NTRK3: variants seen among roughly 807,000 people sequenced by gnomAD.
The protein encoded by NTRK3 is NT-3 growth factor receptor.
Under a neutral mutation model 91.7 loss-of-function variants are expected in NTRK3, and 24 were observed. The ratio of observed to expected loss-of-function variants is 0.26; its 90% CI spans 0.19 to 0.37. NTRK3 has a LOEUF of 0.37. Among genes scored for constraint, NTRK3 ranks in the 10% least tolerant of loss-of-function variants. NTRK3 has a pLI of 1.00. For missense variants in NTRK3, 880 were observed against 1,068.9 expected, an observed-to-expected ratio of 0.82 and a Z score of 2.46; for synonymous variants, 483 against 404.0, an observed-to-expected ratio of 1.20 and a Z score of -2.34.
intron 3 of NTRK3, among the ~76,000 whole-genome samples, chr15:88,252,196 G>C (rs1016452452): frequency 6.6e-6 from 1 of 152,116 alleles, no homozygotes; most frequent in African/African-American, 2.4e-5. Context: ...CTGGGGTTCT[G>C]AGCACCAAAC....
chr15:88,102,826 G>A (rs149293058), intron 13 of NTRK3, among the ~76,000 whole-genome samples: 5 of 152,170 alleles, frequency 3.3e-5, no homozygotes, highest in South Asian at 2.1e-4. Flanking sequence ...TCCAGAATCC[G>A]ACCACCCTTC....
rs142231167 is a variant in NTRK3 at position 87,890,963 on chromosome 15, A to G, written c.2134-10535T>C. On this transcript the variant is annotated intron_variant, in intron 17 of 18. Transcript: ENST00000394480. ...AAAATTTCTTAAGAGAAAAAATATCATGACTTCTTATTGATTTTTCTCATA... is the reference window on the plus strand; with the variant it reads ...AAAATTTCTTAAGAGAAAAAATATCGTGACTTCTTATTGATTTTTCTCATA... Among the ~76,000 whole-genome samples the G allele has an allele frequency of 8.5e-5, 13 of 152,294 alleles. No individual in the cohort carries two copies. The East Asian group carries it at 2.5e-3, about 29-fold the overall frequency.
intron 13 of NTRK3, among the ~76,000 whole-genome samples, chr15:88,052,899 A>C (rs1282759012): frequency 6.6e-6 from 1 of 152,174 alleles, no homozygotes; most frequent in Non-Finnish European, 1.5e-5. Flanking sequence ...CCAAGGGGTT[A>C]TCTATCAGCT....
intron 5 of NTRK3, among the ~76,000 whole-genome samples, chr15:88,173,992 G>T (rs977074187): frequency 1.3e-5 from 2 of 152,246 alleles, no homozygotes; most frequent in African/African-American, 2.4e-5. Context: ...GTGCATAGAG[G>T]AATGCTTGGT....
chr15:88,085,993 G>A (rs1398095317), intron 13 of NTRK3, among the ~76,000 whole-genome samples: 5 of 152,214 alleles, frequency 3.3e-5, no homozygotes, highest in African/African-American at 4.8e-5. Context: ...CTAGGGCATC[G>A]AGGCATCACA....
At chr15:87,878,492 T>C (rs1282188149) in intron 18 of NTRK3, among the ~76,000 whole-genome samples, 3 of 152,150 alleles carry the variant, frequency 2.0e-5, no homozygotes, top group African/African-American at 7.2e-5. Context: ...TATTCCCCAT[T>C]CATATTAGAG....
chr15:87,921,556 A>G (rs947085318), intron 17 of NTRK3, among the ~76,000 whole-genome samples: 1 of 152,236 alleles, frequency 6.6e-6, no homozygotes, highest in South Asian at 2.1e-4. Context: ...GCCTATGTGG[A>G]CATGAATAGA....
intron 13 of NTRK3, among the ~76,000 whole-genome samples, chr15:88,086,699 C>T (rs547469545): frequency 1.4e-4 from 21 of 152,310 alleles, no homozygotes; most frequent in Non-Finnish European, 2.8e-4. Context: ...TGTCTAGCGA[C>T]GGGCCCCATG....
chr15:88,124,590 A>G (rs1474061832), intron 13 of NTRK3, among the ~76,000 whole-genome samples: 2 of 152,188 alleles, frequency 1.3e-5, no homozygotes, highest in Non-Finnish European at 2.9e-5. Context: ...AGCTCCCTGC[A>G]TGGTAGGAAA....
rs962094766 is a variant in NTRK3 at position 88,235,187 on chromosome 15, C to T, written c.248+20719G>A. On this transcript the variant is annotated intron_variant, in intron 3 of 18. Coordinates refer to ENST00000394480, the Ensembl canonical transcript of NTRK3. This position sits in a 1 kb window ranked among gnomAD's most constrained non-coding sequence, Gnocchi z 5.2. ...ACTGATTTCTTTGCTTGCATATCAA[C>T]GGATGGCCTCTATCCACTGAATTGT... 4.6e-5 allele frequency among the ~76,000 whole-genome samples: 7 copies of T among 152,182 alleles called. No individual in the cohort carries two copies. The highest frequency in any genetic ancestry group is 2.1e-4 in the South Asian group (1 of 4,830).
intron 14 of NTRK3, among the ~76,000 whole-genome samples, chr15:88,003,604 C>T (rs562167686): frequency 1.1e-4 from 17 of 152,244 alleles, no homozygotes; most frequent in African/African-American, 3.9e-4. Context: ...AGGTAGGATG[C>T]CTCCAACAAT....
At chr15:88,100,697 C>A (rs1460537346) in intron 13 of NTRK3, among the ~76,000 whole-genome samples, 1 of 152,156 alleles carries the variant, frequency 6.6e-6, no homozygotes, top group East Asian at 1.9e-4. Context: ...TCTGTCCCAT[C>A]AAATTATAAA....
At chr15:88,170,204 C>CA (rs1264817316) in intron 5 of NTRK3, among the ~76,000 whole-genome samples, 4 of 152,132 alleles carry the variant, frequency 2.6e-5, no homozygotes, top group East Asian at 1.9e-4. Flanking sequence ...CTCTAAAGCA[C>CA]AAAAAATCAA....
At chr15:88,062,609 A>C (rs964879289) in intron 13 of NTRK3, among the ~76,000 whole-genome samples, 9 of 152,182 alleles carry the variant, frequency 5.9e-5, no homozygotes, top group African/African-American at 2.2e-4. Context: ...AGATAAAAGG[A>C]CCCCGATGAT....
At chr15:87,999,390 T>C (rs1030206577) in intron 14 of NTRK3, among the ~76,000 whole-genome samples, 1 of 152,230 alleles carries the variant, frequency 6.6e-6, no homozygotes, top group Admixed American at 6.5e-5. Flanking sequence ...AACTTGCCAC[T>C]AATTTTATTT....
At chr15:88,219,194 C>G (rs938706407) in intron 3 of NTRK3, among the ~76,000 whole-genome samples, 6 of 152,216 alleles carry the variant, frequency 3.9e-5, no homozygotes, top group African/African-American at 1.4e-4. Flanking sequence ...TCCAACTTCC[C>G]CCTTCAATAT....
intron 3 of NTRK3, among the ~76,000 whole-genome samples, chr15:88,199,371 GC>G (rs1162768952): frequency 6.6e-6 from 1 of 152,138 alleles, no homozygotes; most frequent in Non-Finnish European, 1.5e-5. Flanking sequence ...GATCCTTGGG[GC>G]AGGGACTATG....
At chr15:87,936,628 C>T (rs948537567) in intron 15 of NTRK3, among the ~76,000 whole-genome samples, 4 of 151,204 alleles carry the variant, frequency 2.6e-5, no homozygotes, top group African/African-American at 7.3e-5. Context: ...TTATGATATA[C>T]ACATGATATA....
chr15:88,081,560 C>T (rs1352486669), intron 13 of NTRK3, among the ~76,000 whole-genome samples: 1 of 152,226 alleles, frequency 6.6e-6, no homozygotes, highest in African/African-American at 2.4e-5. Flanking sequence ...TGGTCGTGGA[C>T]ACTCCATCCT....
Sources: allele counts gnomAD v4.1 joint callset (sites outside exome capture counted in the v4.1 genomes callset), GRCh38; gene constraint gnomAD v4.1.1; non-coding constraint Gnocchi (gnomAD v3.1); transcripts MANE v1.5; gene names NCBI Gene and HGNC (gene_info 2026-07-23, HGNC 2026-07-21).